SKOR1: variants seen among roughly 807,000 people sequenced by gnomAD.
SKOR1 encodes SKI family transcriptional corepressor 1.
In SKOR1, 38 loss-of-function variants were observed where a neutral mutation model predicts 72.4. The observed-to-expected ratio is 0.52, with a 90% CI of 0.40 to 0.69. SKOR1 has a LOEUF of 0.69. SKOR1 is among the 30% of genes least tolerant of loss of function. The pLI is 0.00. For synonymous variants in SKOR1, 642 were observed against 599.4 expected, an observed-to-expected ratio of 1.07 and a Z score of -1.04; for missense variants, 1,320 against 1,343.2, an observed-to-expected ratio of 0.98 and a Z score of 0.27.
Position 67,827,460 on chromosome 15 carries a change from G to A in SKOR1, c.1632G>A (p.Glu544=). Residue 544 remains glutamate (E), a synonymous_variant, in exon 2 of 9, where the codon GAG becomes GAA. Coordinates refer to ENST00000380035, the MANE Select transcript of SKOR1 (RefSeq NM_001365915.1). ...TGGACGGTGCCGAGCCAGCCAAAGA[G>A]AGTGGCCTCGGCGCGGAGGAGCGCT... ...EPLDGAEPAK[E]SGLGAEERCP... 6.6e-7 allele frequency: 1 copy of A among 1,522,380 alleles called. No homozygotes were observed. The highest frequency in any genetic ancestry group is 1.4e-5 in the African/African-American group (1 of 70,618). The allele number at this position is 1,522,380 out of a possible 1,614,324, so 94.3% of individuals were successfully genotyped here.
In SKOR1 at chr15:67,825,849, A is replaced by C. The variant is rs945579453; in HGVS notation, c.108-87A>C. ...ACTGCCAAGTATCCCCCGCGCGCCC[A>C]ACTCGGAGCGCCCTGCTGGGCGGGC... On this transcript the variant is annotated intron_variant, in intron 1 of 8. Transcript: ENST00000380035. The surrounding 1 kb of genome is among the most constrained non-coding windows in gnomAD (Gnocchi z 5.6). 1.3e-6 allele frequency: 2 copies of C among 1,514,732 alleles called. No homozygotes were observed. Among genetic ancestry groups the C allele is most frequent in the African/African-American group, 2.8e-5 (2 of 71,852 alleles). 93.8% of individuals were successfully genotyped at this position (1,514,732 alleles called of 1,614,324 possible).
In SKOR1 at chr15:67,825,675, G is replaced by T. The variant is rs963344933; in HGVS notation, c.73G>T (p.Gly25Trp). Residue 25 changes from glycine (G) to tryptophan (W), a missense_variant, in exon 1 of 9, where the codon GGG becomes TGG. Physicochemically the swap from Gly to Trp is radical, Grantham distance 184. This residue lies in a region of SKOR1 where 120 missense variants were observed against 104.9 expected (regional missense o/e 1.14). Transcript: ENST00000380035. The surrounding 1 kb of genome is among the most constrained non-coding windows in gnomAD (Gnocchi z 5.6). ...TTCACTTCCTTCCCAATCCGAAAAC[G>T]GGATTGGGTTCCTTGCAGCCCGGGC... ...WVSLPSQSEN[G>W]IGFLAARAFL... The T allele has an allele frequency of 2.8e-6, 2 of 726,648 alleles. No homozygotes were observed. Among genetic ancestry groups the T allele is most frequent in the Non-Finnish European group, 2.5e-6 (1 of 392,502 alleles). 45.0% of individuals were successfully genotyped at this position (726,648 alleles called of 1,614,324 possible).
At chr15:67,830,936 TG>T (rs1274955330) in intron 5 of SKOR1, 47 bp downstream of exon 5, 1 of 1,580,598 alleles carries the variant, frequency 6.3e-7, no homozygotes, top group Non-Finnish European at 8.7e-7. Flanking sequence ...TTGAGAGTGA[TG>T]GGTCATTCCT....
Position 67,832,203 on chromosome 15 carries a change from A to G in SKOR1, c.2588-71A>G. 1.4e-6 allele frequency: 2 copies of G among 1,473,672 alleles called. No homozygotes were observed. Among genetic ancestry groups the G allele is most frequent in the Non-Finnish European group, 1.9e-6 (2 of 1,055,924 alleles). The allele number at this position is 1,473,672 out of a possible 1,614,324, so 91.3% of individuals were successfully genotyped here. A position where few individuals can be genotyped will look rare whatever the true frequency, so the allele number is the denominator to read the frequency against. On this transcript the variant is annotated intron_variant, in intron 5 of 8. Transcript: ENST00000380035. The surrounding 1 kb of genome is among the most constrained non-coding windows in gnomAD (Gnocchi z 4.5). ...AACTCTCCTTTCAGGGTTGTTGGCCAAGGCAGAACCTGAGCTCCAAATAAC... is the reference window on the plus strand; with the variant it reads ...AACTCTCCTTTCAGGGTTGTTGGCCGAGGCAGAACCTGAGCTCCAAATAAC...
In SKOR1 at chr15:67,827,086, A is replaced by T; in HGVS notation, c.1258A>T (p.Lys420Ter). Residue 420 changes from lysine to a stop codon, truncating the protein, a stop_gained, in exon 2 of 9, where the codon AAG (lysine) becomes TAG (stop). Coordinates refer to ENST00000380035, the MANE Select transcript of SKOR1 (RefSeq NM_001365915.1). LOFTEE classifies it high-confidence loss of function. ...CCCGGTTTTAGGCGCGGGCGAGCCA[A>T]AGGGCGGTCCTGGCACTGGGAGCGG... ...DDPVLGAGEP[K>*]GGPGTGSGGG... The T allele has an allele frequency of 6.6e-7, 1 of 1,517,214 alleles. No individual in the cohort carries two copies. 94.0% of individuals were successfully genotyped at this position (1,517,214 alleles called of 1,614,324 possible).
chr15:67,831,873 T>C (rs2091009696), intron 5 of SKOR1, among the ~76,000 whole-genome samples: 2 of 123,984 alleles, frequency 1.6e-5, no homozygotes, highest in South Asian at 5.6e-4. Flanking sequence ...GACCAAAGCC[T>C]CCCTGATTTA....
intron 2 of SKOR1, among the ~76,000 whole-genome samples, 192 bp downstream of exon 2, chr15:67,828,336 T>G (rs1229475555): frequency 2.0e-5 from 3 of 152,172 alleles, no homozygotes; most frequent in African/African-American, 7.2e-5. Context: ...AGTGAGGGTT[T>G]CGAAGGGAAG....
Position 67,825,587 on chromosome 15 carries a change from A to T in SKOR1, c.-16A>T. Reference sequence around the variant, plus strand: ...AGGCGCACGGATCTGGGCGCTGAAAAAGCCAGGATTTGGCAATGGCTTTGC... The same window carrying T: ...AGGCGCACGGATCTGGGCGCTGAAATAGCCAGGATTTGGCAATGGCTTTGC... On this transcript the variant is annotated 5_prime_UTR_variant, in exon 1 of 9. Transcript: ENST00000380035. The surrounding 1 kb of genome is among the most constrained non-coding windows in gnomAD (Gnocchi z 5.6). 1.4e-6 allele frequency: 1 copy of T among 726,504 alleles called. No individual in the cohort carries two copies. The highest frequency in any genetic ancestry group is 2.6e-6 in the Non-Finnish European group (1 of 390,002). 45.0% of individuals were successfully genotyped at this position (726,504 alleles called of 1,614,324 possible). A position where few individuals can be genotyped will look rare whatever the true frequency, so the allele number is the denominator to read the frequency against.
In SKOR1 at chr15:67,832,169, A is replaced by T; in HGVS notation, c.2588-105A>T. 2.0e-6 allele frequency: 2 copies of T among 1,007,838 alleles called. No individual in the cohort carries two copies. Among genetic ancestry groups the T allele is most frequent in the South Asian group, 2.8e-5 (2 of 70,564 alleles). 62.4% of individuals were successfully genotyped at this position (1,007,838 alleles called of 1,614,324 possible). On this transcript the variant is annotated intron_variant, in intron 5 of 8. Coordinates refer to ENST00000380035, the MANE Select transcript of SKOR1 (RefSeq NM_001365915.1). The surrounding 1 kb of genome is among the most constrained non-coding windows in gnomAD (Gnocchi z 4.5). ...AGCGGAGGGCCTCCACCTACTGGTC[A>T]TCCTTCTCAACTCTCCTTTCAGGGT... is the stretch of plus-strand genomic sequence containing the variant.
rs2090961719 is a variant in SKOR1 at position 67,826,758 on chromosome 15, A to C, written c.930A>C (p.Pro310=). 1 of 1,535,640 alleles carries C rather than the reference A, an allele frequency of 6.5e-7. No individual in the cohort carries two copies. The highest frequency in any genetic ancestry group is 8.7e-7 in the Non-Finnish European group (1 of 1,145,774). The change falls in exon 2 of 9, where the codon CCA becomes CCC. Residue 310 remains proline (P), a synonymous_variant. Transcript: ENST00000380035. ...CTGGCGGCGGTGGCGGCGGTGGCCC[A>C]GGGTGCGGTGCAGAGATGGCCCCAG... is the stretch of plus-strand genomic sequence containing the variant. ...GGAGGGGGGG[P]GCGAEMAPGP...
chr15:67,829,025 C>G (rs1240083077), intron 2 of SKOR1, among the ~76,000 whole-genome samples, 154 bp from the exon 3 acceptor site: 1 of 152,076 alleles, frequency 6.6e-6, no homozygotes, highest in Admixed American at 6.5e-5. Context: ...GGCAAGGGTG[C>G]GCCGCGTGCG....
At position 67,827,237 on chromosome 15, in the gene SKOR1, A is replaced by G. The variant is rs1382890347; in HGVS notation, c.1409A>G (p.Lys470Arg). ...GGGCATCAACCCTCCGGGGCAGCCA[A>G]GGACGCAGCGGCAGTGGCTGCAGCG... ...FWGHQPSGAA[K>R]DAAAVAAAAA... Residue 470 changes from lysine to arginine, a missense_variant, in exon 2 of 9, where the codon AAG (lysine) becomes AGG (arginine). This residue lies in a region of SKOR1 where 1,099 missense variants were observed against 1,025.5 expected (regional missense o/e 1.07). Transcript: ENST00000380035. The G allele has an allele frequency of 1.4e-5, 22 of 1,573,840 alleles. No individual in the cohort carries two copies. The highest frequency in any genetic ancestry group is 1.8e-5 in the Non-Finnish European group (21 of 1,168,462).
At chr15:67,829,983 C>T (rs1435276853) in intron 3 of SKOR1, among the ~76,000 whole-genome samples, 2 of 152,100 alleles carry the variant, frequency 1.3e-5, no homozygotes, top group East Asian at 3.9e-4. Flanking sequence ...GGGGCGGGGG[C>T]CTGAAGCCCG....
At chr15:67,829,089 C>T (rs2090988236) in intron 2 of SKOR1, 90 bp from the exon 3 acceptor site, 1 of 1,244,774 alleles carries the variant, frequency 8.0e-7, no homozygotes. Flanking sequence ...ACTCCGTCGG[C>T]TTTCCCTCTT....
At chr15:67,831,707 T>A (rs1278934327) in intron 5 of SKOR1, among the ~76,000 whole-genome samples, 1 of 152,130 alleles carries the variant, frequency 6.6e-6, no homozygotes, top group Non-Finnish European at 1.5e-5. Flanking sequence ...CTTCCATTCT[T>A]CCTAGTTACA....
In SKOR1 at chr15:67,826,978, C is replaced by A. The variant is rs1158423128; in HGVS notation, c.1150C>A (p.Leu384Ile). The change falls in exon 2 of 9, where the codon CTC becomes ATC. Residue 384 changes from leucine (L) to isoleucine (I), a missense_variant. Leu to Ile is a conservative substitution (Grantham distance 5). Transcript: ENST00000380035. ...CCCGGTGCCCAGCAAAGGCTTTGGG[C>A]TCCTGCAAAAGCTGCCCCCACCACT... ...VIPVPSKGFG[L>I]LQKLPPPLFP... is the part of the protein sequence containing the mutation. 12 of 1,596,242 alleles carry A rather than the reference C, an allele frequency of 7.5e-6. No individual in the cohort carries two copies. The Admixed American group carries it at 1.0e-4, about 13-fold the overall frequency.
rs2091020819 is a variant in SKOR1 at position 67,833,076 on chromosome 15, T to C, written c.2738-116T>C. The C allele has an allele frequency of 1.9e-6, 2 of 1,043,070 alleles. No homozygotes were observed. The highest frequency in any genetic ancestry group is 2.0e-5 in the Admixed American group (1 of 51,228). The allele number at this position is 1,043,070 out of a possible 1,614,324, so 64.6% of individuals were successfully genotyped here. The stretch of plus-strand genomic sequence containing the variant: ...GCTCCGGTACCCCCTCCCCCATCCC[T>C]GGAGTTGTTTCTGCGCGGAGCTTAG... On this transcript the variant is annotated intron_variant, in intron 7 of 8. Transcript: ENST00000380035. This position sits in a 1 kb window ranked among gnomAD's most constrained non-coding sequence, Gnocchi z 6.0.
chr15:67,827,902 G>A lies in SKOR1; in HGVS notation c.2074G>A (p.Glu692Lys). Residue 692 changes from glutamate (E) to lysine (K), a missense_variant, in exon 2 of 9, where the codon GAA becomes AAA. Around this residue, in one of 3 missense-constraint regions of SKOR1, gnomAD observed 1,099 missense variants for 1,025.5 expected, o/e 1.07. Coordinates refer to ENST00000380035, the MANE Select transcript of SKOR1 (RefSeq NM_001365915.1). ...APSAGGGPDG[E>K]QPTGPPSATS... Reference sequence around the variant, plus strand: ...CAGCGCAGGGGGCGGCCCAGACGGTGAACAGCCCACTGGACCCCCTTCCGC... The same window carrying A: ...CAGCGCAGGGGGCGGCCCAGACGGTAAACAGCCCACTGGACCCCCTTCCGC... 2 of 1,599,116 alleles carry A rather than the reference G, an allele frequency of 1.3e-6. No individual in the cohort carries two copies. The highest frequency in any genetic ancestry group is 1.7e-6 in the Non-Finnish European group (2 of 1,173,996).
At position 67,830,427 on chromosome 15, in the gene SKOR1, G is replaced by T. The variant is rs138197049; in HGVS notation, c.2515+129G>T. ...AAGCGGCTGCCAGTCTTCTTCCTCG[G>T]CGAGCAGATAAATATTTAACGCGAG... On this transcript the variant is annotated intron_variant, in intron 4 of 8. Coordinates refer to ENST00000380035, the MANE Select transcript of SKOR1 (RefSeq NM_001365915.1). The T allele has an allele frequency of 9.2e-4, 719 of 785,386 alleles. 3 individuals carry two copies. The African/African-American group carries it at 0.011, about 12-fold the overall frequency. 48.7% of individuals were successfully genotyped at this position (785,386 alleles called of 1,614,324 possible).
Sources: allele counts gnomAD v4.1 joint callset (sites outside exome capture counted in the v4.1 genomes callset), GRCh38; gene constraint gnomAD v4.1.1; regional missense constraint gnomAD v4.1.1; non-coding constraint Gnocchi (gnomAD v3.1); transcripts MANE v1.5; gene names NCBI Gene and HGNC (gene_info 2026-07-23, HGNC 2026-07-21).